STXBP5L: variants seen among roughly 807,000 people sequenced by gnomAD.
The protein encoded by STXBP5L is syntaxin binding protein 5L.
STXBP5L carries 65 observed loss-of-function variants against 144.5 expected under a neutral mutation model. That is an observed-to-expected ratio of 0.45 (90% CI 0.37 to 0.55). STXBP5L has a LOEUF of 0.55. Among genes scored for constraint, STXBP5L ranks in the 20% least tolerant of loss-of-function variants. STXBP5L has a pLI of 0.00. For missense variants in STXBP5L, 1,298 were observed against 1,405.5 expected (o/e 0.92, Z 1.22); for synonymous variants, 505 against 469.6 (o/e 1.08, Z -0.97).
Position 121,279,945 on chromosome 3 carries a change from A to G in STXBP5L, c.2099A>G (p.Gln700Arg), listed in dbSNP as rs1369019158. 1 of 1,611,818 alleles carries G rather than the reference A, an allele frequency of 6.2e-7. No homozygotes were observed. ...RQPRSPRKNKQFIAGLTELND... is the reference protein window; with the variant it reads ...RQPRSPRKNKRFIAGLTELND... ...CCACGGTCTCCTCGAAAAAACAAAC[A>G]GTTCATTGCAGGTAGGAGATAAAAC... Residue 700 changes from glutamine to arginine, a missense_variant, in exon 19 of 27, where the codon CAG becomes CGG. Transcript: ENST00000471454.
chr3:121,372,542 G>T (rs1314449633), intron 20 of STXBP5L, among the ~76,000 whole-genome samples: 1 of 152,172 alleles, frequency 6.6e-6, no homozygotes, highest in Non-Finnish European at 1.5e-5. Flanking sequence ...GCGATAGCAG[G>T]TTCCTTCTTG....
chr3:121,336,392 G>T (rs757422240), intron 20 of STXBP5L, among the ~76,000 whole-genome samples: 1 of 152,100 alleles, frequency 6.6e-6, no homozygotes, highest in Admixed American at 6.6e-5. Flanking sequence ...AGCTACTCAG[G>T]AGGCTGAGAT....
In STXBP5L at chr3:121,316,160, T is replaced by A. The variant is rs548682474; in HGVS notation, c.2111-2315T>A. Among the ~76,000 whole-genome samples, 4 of 152,310 alleles carry A rather than the reference T, an allele frequency of 2.6e-5. No individual in the cohort carries two copies. The East Asian group carries it at 7.7e-4, about 29-fold the overall frequency. On this transcript the variant is annotated intron_variant, in intron 19 of 26. Coordinates refer to ENST00000471454, the MANE Select transcript of STXBP5L (RefSeq NM_001308330.2). ...ATTTTTAAATAATGATTGTTCTGAA[T>A]AACTATATAGTATTTAATGATGATA...
chr3:120,957,685 C>T (rs1227892650), intron 3 of STXBP5L, among the ~76,000 whole-genome samples: 1 of 151,478 alleles, frequency 6.6e-6, no homozygotes, highest in African/African-American at 2.4e-5. Flanking sequence ...ATGAAGGTAG[C>T]AATAAAGATG....
In STXBP5L at chr3:121,342,360, A is replaced by T. The variant is rs1306738284; in HGVS notation, c.2176+23820A>T. On this transcript the variant is annotated intron_variant, in intron 20 of 26. Transcript: ENST00000471454. Reference sequence around the variant, plus strand: ...ACTAGAATACTATTTTTTTATTATTATTATACTTTAAGTTTTAGGGTACAT... The same window carrying T: ...ACTAGAATACTATTTTTTTATTATTTTTATACTTTAAGTTTTAGGGTACAT... Among the ~76,000 whole-genome samples, 4 of 152,172 alleles carry T rather than the reference A, an allele frequency of 2.6e-5. No homozygotes were observed. The East Asian group carries it at 7.7e-4, about 29-fold the overall frequency.
At chr3:121,182,108 C>G (rs977773731) in intron 9 of STXBP5L, among the ~76,000 whole-genome samples, 5 of 152,124 alleles carry the variant, frequency 3.3e-5, no homozygotes, top group African/African-American at 4.8e-5. Flanking sequence ...CAGCACTACA[C>G]AGATCATCAA....
intron 3 of STXBP5L, among the ~76,000 whole-genome samples, chr3:120,961,486 A>G (rs1938810296): frequency 6.6e-6 from 1 of 151,770 alleles, no homozygotes. Flanking sequence ...GAGTGATCTC[A>G]TTGTTCAATT....
At chr3:121,353,713 G>A (rs958658113) in intron 20 of STXBP5L, among the ~76,000 whole-genome samples, 1 of 151,970 alleles carries the variant, frequency 6.6e-6, no homozygotes, top group Non-Finnish European at 1.5e-5. Context: ...GTTATTTCCT[G>A]CCTTCTGCTA....
chr3:120,979,638 G>A (rs926690361), intron 3 of STXBP5L, among the ~76,000 whole-genome samples: 47 of 152,308 alleles, frequency 3.1e-4, no homozygotes, highest in African/African-American at 9.9e-4. Flanking sequence ...CATCTTCTGC[G>A]TCGCTCACAC....
intron 11 of STXBP5L, among the ~76,000 whole-genome samples, chr3:121,227,086 T>C (rs1009093080): frequency 3.9e-5 from 6 of 152,122 alleles, no homozygotes; most frequent in African/African-American, 1.4e-4. Flanking sequence ...AATAAGAATA[T>C]TCATTTATAG....
intron 3 of STXBP5L, among the ~76,000 whole-genome samples, chr3:120,991,819 G>T (rs1456155522): frequency 6.7e-5 from 10 of 150,034 alleles, no homozygotes; most frequent in African/African-American, 2.5e-4. Flanking sequence ...TGTGGGGTGG[G>T]GGCAGGGGGG....
intron 12 of STXBP5L, among the ~76,000 whole-genome samples, chr3:121,238,466 C>G (rs1457227560): frequency 6.6e-6 from 1 of 152,142 alleles, no homozygotes; most frequent in African/African-American, 2.4e-5. Flanking sequence ...TCTCATTAGG[C>G]TCCACCTCCA....
intron 5 of STXBP5L, among the ~76,000 whole-genome samples, chr3:121,100,151 A>T (rs1459091799): frequency 1.3e-5 from 2 of 152,180 alleles, no homozygotes; most frequent in Non-Finnish European, 2.9e-5. Context: ...AATAAGAGTG[A>T]GGTCTTTAAA....
At chr3:121,299,643 G>C (rs1052745108) in intron 19 of STXBP5L, among the ~76,000 whole-genome samples, 1 of 151,876 alleles carries the variant, frequency 6.6e-6, no homozygotes, top group Non-Finnish European at 1.5e-5. Flanking sequence ...CAAATTTGAT[G>C]AAAAACATCA....
rs375736396 is a variant in STXBP5L, at chr3:121,094,648, T to C, written c.471-20277T>C. Reference sequence around the variant, plus strand: ...TGGTAGATCTTCCTCCATCCTTTTATTTTGAGCCTATGTGTGTCTCTGCAC... The same window carrying C: ...TGGTAGATCTTCCTCCATCCTTTTACTTTGAGCCTATGTGTGTCTCTGCAC... On this transcript the variant is annotated intron_variant, in intron 5 of 26. Coordinates refer to ENST00000471454, the MANE Select transcript of STXBP5L (RefSeq NM_001308330.2). Among the ~76,000 whole-genome samples the C allele has an allele frequency of 1.7e-4, 26 of 152,304 alleles. No individual in the cohort carries two copies. The East Asian group carries it at 2.9e-3, about 17-fold the overall frequency.
chr3:121,037,390 G>A (rs953359431), intron 3 of STXBP5L, among the ~76,000 whole-genome samples: 1 of 152,006 alleles, frequency 6.6e-6, no homozygotes, highest in Admixed American at 6.6e-5. Context: ...TGGGATCACA[G>A]GTATGTGCCA....
At chr3:121,281,652 G>T (rs143933403) in intron 19 of STXBP5L, among the ~76,000 whole-genome samples, 2,509 of 152,000 alleles carry the variant, frequency 0.017, 62 homozygotes, top group African/African-American at 0.057. Flanking sequence ...TTTGACAAAG[G>T]TAATACAATT....
chr3:121,371,494 G>T (rs2046026608), intron 20 of STXBP5L, among the ~76,000 whole-genome samples: 1 of 152,218 alleles, frequency 6.6e-6, no homozygotes, highest in Non-Finnish European at 1.5e-5. Context: ...GTTCTTATTT[G>T]CACATGCTAG....
chr3:120,945,001 T>A (rs1277345451), intron 2 of STXBP5L, among the ~76,000 whole-genome samples: 1 of 151,856 alleles, frequency 6.6e-6, no homozygotes, highest in Non-Finnish European at 1.5e-5. Context: ...TTCTCAACAA[T>A]GAGAGTTGCT....
Sources: allele counts gnomAD v4.1 joint callset (sites outside exome capture counted in the v4.1 genomes callset), GRCh38; gene constraint gnomAD v4.1.1; transcripts MANE v1.5; gene names NCBI Gene and HGNC (gene_info 2026-07-23, HGNC 2026-07-21).